SLC20A1: variants seen among roughly 807,000 people sequenced by gnomAD.
SLC20A1 encodes solute carrier family 20 member 1.
A neutral mutation model predicts 62.7 loss-of-function variants in SLC20A1; 28 were observed. That is an observed-to-expected ratio of 0.45 (90% CI 0.33 to 0.61). The LOEUF (loss-of-function observed/expected upper bound fraction) is 0.61, where lower values mean the gene tolerates loss of function less well. Ranked by LOEUF, SLC20A1 falls within the 20% of genes least tolerant of loss-of-function variation. SLC20A1 has a pLI of 0.02. For synonymous variants in SLC20A1, 305 were observed against 302.9 expected (o/e 1.01, Z -0.07); for missense variants, 673 against 838.6 (o/e 0.80, Z 2.44).
chr2:112,647,869 C>T (rs1686328788), intron 4 of SLC20A1, 131 bp downstream of exon 4: 2 of 729,298 alleles, frequency 2.7e-6, no homozygotes, highest in Admixed American at 2.3e-5. Context: ...GCTCTTTGTT[C>T]TGTGCATTTC....
chr2:112,654,292 AT>A (rs1366762787), intron 5 of SLC20A1, among the ~76,000 whole-genome samples: 1 of 152,236 alleles, frequency 6.6e-6, no homozygotes, highest in Non-Finnish European at 1.5e-5. Context: ...CCAGATTTCC[AT>A]TGTAAACAGT....
chr2:112,654,596 C>T lies in SLC20A1; in HGVS notation c.658+1798C>T, dbSNP rs1686532611. Among the ~76,000 whole-genome samples the T allele has an allele frequency of 3.3e-5, 5 of 152,076 alleles. No individual in the cohort carries two copies. In the South Asian group the frequency reaches 1.0e-3, roughly 32 times the overall value. On this transcript the variant is annotated intron_variant, in intron 5 of 10. Coordinates refer to ENST00000272542, the MANE Select transcript of SLC20A1 (RefSeq NM_005415.5). ...TTTAAAATGAAAAGATACATAGTCA[C>T]CATAGAATTGTAGTTTGGGGCCGGG... is the stretch of plus-strand genomic sequence containing the variant.
intron 8 of SLC20A1, 92 bp downstream of exon 8, chr2:112,659,854 C>T (rs1686700597): frequency 6.6e-6 from 7 of 1,065,472 alleles, no homozygotes; most frequent in Non-Finnish European, 6.8e-6. Flanking sequence ...GTACTCCTAG[C>T]ATTTACAGGA....
rs748388833 is a variant in SLC20A1 at position 112,659,221 on chromosome 2, A to G, written c.1066A>G (p.Asn356Asp). ...STVNGAVQLP[N>D]GNLVQFSQAV... ...TTGACTAGGTGCAGTGCAGTTGCCT[A>G]ATGGGAACCTTGTCCAGTTCAGTCA... Residue 356 changes from asparagine to aspartate, a missense_variant, in exon 8 of 11, where the codon AAT becomes GAT. Coordinates refer to ENST00000272542, the MANE Select transcript of SLC20A1 (RefSeq NM_005415.5). 10 of 1,613,512 alleles carry G rather than the reference A, an allele frequency of 6.2e-6. No individual in the cohort carries two copies. The highest frequency in any genetic ancestry group is 1.1e-5 in the South Asian group (1 of 91,076).
intron 8 of SLC20A1, 70 bp from the exon 9 acceptor site, chr2:112,660,317 C>A: frequency 7.5e-7 from 1 of 1,337,340 alleles, no homozygotes; most frequent in Non-Finnish European, 1.0e-6. Context: ...GTAGATCATT[C>A]AGCAGATTGG....
chr2:112,654,801 C>G (rs1231467070), intron 5 of SLC20A1, among the ~76,000 whole-genome samples: 1 of 149,500 alleles, frequency 6.7e-6, no homozygotes, highest in African/African-American at 2.5e-5. Flanking sequence ...GAGGCTGAGG[C>G]AGGAGAATCA....
At chr2:112,662,476 A>G (rs986586769) in intron 10 of SLC20A1, among the ~76,000 whole-genome samples, 4 of 152,124 alleles carry the variant, frequency 2.6e-5, no homozygotes, top group Non-Finnish European at 4.4e-5. Flanking sequence ...AGCACTTGGG[A>G]GGCTGAGGCA....
chr2:112,662,766 GGGT>G (rs1280241914), intron 10 of SLC20A1, 95 bp from the exon 11 acceptor site: 37 of 1,236,014 alleles, frequency 3.0e-5, no homozygotes, highest in Non-Finnish European at 3.7e-5. Flanking sequence ...TCTTGTCCAG[GGGT>G]CTGGGGCTCC....
At position 112,663,197 on chromosome 2, in the gene SLC20A1, G is replaced by C; in HGVS notation, c.*172G>C. On this transcript the variant is annotated 3_prime_UTR_variant, in exon 11 of 11. Coordinates refer to ENST00000272542, the MANE Select transcript of SLC20A1 (RefSeq NM_005415.5). The stretch of plus-strand genomic sequence containing the variant: ...ACTGCTTTTGTGCTAAATATGAATT[G>C]TCTCAAAATTAGCTGTGTAAAATAG... The C allele has an allele frequency of 1.2e-6, 1 of 806,024 alleles. No individual in the cohort carries two copies. Among genetic ancestry groups the C allele is most frequent in the Non-Finnish European group, 2.1e-6 (1 of 469,692 alleles). 49.9% of individuals were successfully genotyped at this position (806,024 alleles called of 1,614,324 possible).
Position 112,647,075 on chromosome 2 carries a change from G to A in SLC20A1, c.247G>A (p.Glu83Lys), listed in dbSNP as rs774223833. The A allele has an allele frequency of 6.2e-7, 1 of 1,614,174 alleles. No homozygotes were observed. Among genetic ancestry groups the A allele is most frequent in the South Asian group, 1.1e-5 (1 of 91,086 alleles). The change falls in exon 2 of 11, where the codon GAA becomes AAA. Residue 83 changes from glutamate to lysine, a missense_variant. Transcript: ENST00000272542. ...TGTCTTACTGGGGGCCAAAGTGAGC[G>A]AAACCATCCGGAAGGGCTTGATTGA... ...GSVLLGAKVSETIRKGLIDVE... is the reference protein window; with the variant it reads ...GSVLLGAKVSKTIRKGLIDVE...
At chr2:112,648,145 C>G (rs186681964) in intron 4 of SLC20A1, among the ~76,000 whole-genome samples, 1 of 152,108 alleles carries the variant, frequency 6.6e-6, no homozygotes, top group Non-Finnish European at 1.5e-5. Flanking sequence ...TTAAATGGGT[C>G]TCTGCCGTGC....
intron 10 of SLC20A1, among the ~76,000 whole-genome samples, chr2:112,661,519 CAA>C (rs1445303321): frequency 6.6e-5 from 10 of 150,480 alleles, no homozygotes; most frequent in African/African-American, 1.7e-4. Context: ...TTTTTAATCT[CAA>C]GAGTCATTTC....
At chr2:112,652,360 G>A (rs917451807) in intron 4 of SLC20A1, 4 of 263,680 alleles carry the variant, frequency 1.5e-5, no homozygotes, top group Admixed American at 4.9e-5. Flanking sequence ...TCTTACAAAC[G>A]TAGAGTATAG....
intron 5 of SLC20A1, among the ~76,000 whole-genome samples, chr2:112,655,208 A>G (rs919459804): frequency 6.6e-6 from 1 of 152,078 alleles, no homozygotes. Flanking sequence ...ACCTCAGGTG[A>G]TCCACGGACC....
intron 6 of SLC20A1, 51 bp from the exon 7 acceptor site, chr2:112,658,774 A>G (rs749211913): frequency 1.3e-6 from 2 of 1,534,570 alleles, no homozygotes; most frequent in Non-Finnish European, 1.7e-6. Context: ...ACGTGGAACA[A>G]AGTAGTATGG....
chr2:112,659,049 A>G lies in SLC20A1; in HGVS notation c.1003A>G (p.Ser335Gly), dbSNP rs778577340. The change falls in exon 7 of 11, where the codon AGC becomes GGC. Residue 335 changes from serine (S) to glycine (G), a missense_variant. Ser to Gly is a moderately conservative substitution (Grantham distance 56). Coordinates refer to ENST00000272542, the MANE Select transcript of SLC20A1 (RefSeq NM_005415.5). ...EEAPERERLP[S>G]VDLKEETSID... ...AGCTCCAGAGAGAGAGAGGCTTCCC[A>G]GCGTGGACTTGAAAGAGGAAACCAG... 6.2e-6 allele frequency: 10 copies of G among 1,614,076 alleles called. No individual in the cohort carries two copies. In the Admixed American group the frequency reaches 1.3e-4, roughly 22 times the overall value.
At chr2:112,653,889 T>C (rs1182513270) in intron 5 of SLC20A1, among the ~76,000 whole-genome samples, 1 of 152,028 alleles carries the variant, frequency 6.6e-6, no homozygotes. Flanking sequence ...ACCTCCCGGG[T>C]TCAAGCAATT....
In SLC20A1 at chr2:112,659,354, T is replaced by G; in HGVS notation, c.1199T>G (p.Val400Gly). The G allele has an allele frequency of 6.2e-7, 1 of 1,614,112 alleles. No homozygotes were observed. Among genetic ancestry groups the G allele is most frequent in the African/African-American group, 1.3e-5 (1 of 74,992 alleles). ...CTCCATAAATTACATCTTGCCAAGG[T>G]GGGAGATTGCATGGGAGACTCCGGT... Reference protein sequence around the residue: ...ELLHKLHLAKVGDCMGDSGDK... With the variant: ...ELLHKLHLAKGGDCMGDSGDK... Residue 400 changes from valine (V) to glycine (G), a missense_variant, in exon 8 of 11, where the codon GTG (valine) becomes GGG (glycine). Transcript: ENST00000272542.
intron 9 of SLC20A1, 185 bp from the exon 10 acceptor site, chr2:112,660,957 A>T: frequency 1.9e-6 from 1 of 515,070 alleles, no homozygotes; most frequent in Non-Finnish European, 3.4e-6. Context: ...CCTTTGAATA[A>T]GGAAACTGGG....
Sources: allele counts gnomAD v4.1 joint callset (sites outside exome capture counted in the v4.1 genomes callset), GRCh38; gene constraint gnomAD v4.1.1; transcripts MANE v1.5; gene names NCBI Gene and HGNC (gene_info 2026-07-23, HGNC 2026-07-21).